The following SLC35A5 variants were observed in gnomAD, a reference collection of about 807,000 sequenced individuals.
SLC35A5 encodes solute carrier family 35 member A5.
In SLC35A5, 28 loss-of-function variants were observed where a neutral mutation model predicts 36.3. The observed-to-expected ratio is 0.77, with a 90% CI of 0.57 to 1.06. SLC35A5 has a LOEUF of 1.06. Ranked by LOEUF, SLC35A5 falls within the 50% of genes least tolerant of loss-of-function variation. The pLI is 0.00. For missense variants in SLC35A5, 521 were observed against 499.3 expected, an observed-to-expected ratio of 1.04 and a Z score of -0.41; for synonymous variants, 180 against 173.7, an observed-to-expected ratio of 1.04 and a Z score of -0.29.
intron 4 of SLC35A5, among the ~76,000 whole-genome samples, chr3:112,571,923 GTTTTTTTTTTTT>G (rs58561218): frequency 1.9e-4 from 10 of 53,854 alleles, no homozygotes; most frequent in South Asian, 1.1e-3. Flanking sequence ...ACTTTCCACA[GTTTTTTTTTTTT>G]TTTTTTTTTT....
intron 5 of SLC35A5, among the ~76,000 whole-genome samples, chr3:112,576,564 C>T (rs1282242043): frequency 6.6e-6 from 1 of 152,204 alleles, no homozygotes; most frequent in African/African-American, 2.4e-5. Flanking sequence ...TCACCCTAAC[C>T]CCTGATAACT....
chr3:112,580,500 A>G (rs749956139), intron 5 of SLC35A5, 46 bp from the exon 6 acceptor site: 1 of 1,527,756 alleles, frequency 6.5e-7, no homozygotes, highest in Non-Finnish European at 8.8e-7. Flanking sequence ...AACTATTGAT[A>G]TGGGGGGAAA....
chr3:112,582,675 G>C lies in SLC35A5; in HGVS notation c.1214G>C (p.Gly405Ala), dbSNP rs1934983443. 1.2e-6 allele frequency: 2 copies of C among 1,611,332 alleles called. No homozygotes were observed. The highest frequency in any genetic ancestry group is 4.5e-5 in the East Asian group (2 of 44,774). Residue 405 changes from glycine to alanine, a missense_variant, in exon 7 of 7, where the codon GGA becomes GCA. Physicochemically the swap from Gly to Ala is moderately conservative, Grantham distance 60. Coordinates refer to ENST00000492406, the MANE Select transcript of SLC35A5 (RefSeq NM_017945.5). ...GNLWERSSGD[G>A]EELERLTKPK... Reference sequence around the variant, plus strand: ...TGCTTTCATGTTTCCTTTTAGGATGGAGAAGAACTAGAAAGACTTACCAAA... The same window carrying C: ...TGCTTTCATGTTTCCTTTTAGGATGCAGAAGAACTAGAAAGACTTACCAAA...
At chr3:112,574,026 C>G in intron 5 of SLC35A5, 70 bp downstream of exon 5, 1 of 1,323,838 alleles carries the variant, frequency 7.6e-7, no homozygotes, top group Non-Finnish European at 1.1e-6. Flanking sequence ...ATGATATACC[C>G]AGAACACTGA....
At chr3:112,570,865 A>G (rs1310258543) in intron 4 of SLC35A5, among the ~76,000 whole-genome samples, 195 bp downstream of exon 4, 1 of 152,142 alleles carries the variant, frequency 6.6e-6, no homozygotes, top group Non-Finnish European at 1.5e-5. Flanking sequence ...GGTCAAGATT[A>G]CTGTATTAAA....
At position 112,583,384 on chromosome 3, in the gene SLC35A5, C is replaced by T. The variant is rs1935018985; in HGVS notation, c.*648C>T. 1 of 356,252 alleles carries T rather than the reference C, an allele frequency of 2.8e-6. No homozygotes were observed. The highest frequency in any genetic ancestry group is 4.7e-5 in the Admixed American group (1 of 21,440). The allele number at this position is 356,252 out of a possible 1,614,324, so 22.1% of individuals were successfully genotyped here. ...TGGGAAATTGGATTTTTGTAATAAT[C>T]TTTTGATGTTTTAAACATTGGTTCC... On this transcript the variant is annotated 3_prime_UTR_variant, in exon 7 of 7. Transcript: ENST00000492406.
At chr3:112,578,136 T>G (rs73855822) in intron 5 of SLC35A5, among the ~76,000 whole-genome samples, 2,446 of 152,344 alleles carry the variant, frequency 0.016, 54 homozygotes, top group African/African-American at 0.052. Flanking sequence ...ATTCTTCTAA[T>G]GTTGAACTAA....
intron 2 of SLC35A5, among the ~76,000 whole-genome samples, chr3:112,566,482 A>G (rs755480619): frequency 6.6e-6 from 1 of 152,268 alleles, no homozygotes; most frequent in African/African-American, 2.4e-5. Flanking sequence ...GAGAGGACTC[A>G]TGCAGAATGA....
chr3:112,576,251 C>T (rs1284409946), intron 5 of SLC35A5, among the ~76,000 whole-genome samples: 2 of 152,044 alleles, frequency 1.3e-5, no homozygotes, highest in Admixed American at 6.6e-5. Flanking sequence ...CCTCAGCCTC[C>T]CCAGTAGCTG....
intron 4 of SLC35A5, among the ~76,000 whole-genome samples, chr3:112,573,567 C>A (rs968330773): frequency 6.6e-6 from 1 of 152,210 alleles, no homozygotes; most frequent in Non-Finnish European, 1.5e-5. Context: ...ATCCATAAGG[C>A]GCTTTGAGAA....
At position 112,580,695 on chromosome 3, in the gene SLC35A5, T is replaced by G; in HGVS notation, c.578T>G (p.Leu193Arg). The change falls in exon 6 of 7, where the codon CTT becomes CGT. Residue 193 changes from leucine to arginine, a missense_variant. Physicochemically the swap from Leu to Arg is moderately radical, Grantham distance 102. Coordinates refer to ENST00000492406, the MANE Select transcript of SLC35A5 (RefSeq NM_017945.5). ...DAFFSPSNSC[L>R]LFRSECPRKD... ...TTTTTCAGCCCTTCCAATTCCTGCC[T>G]TCTTTTCAGAAGTGAGTGTCCCAGA... is the stretch of plus-strand genomic sequence containing the variant. The G allele has an allele frequency of 6.2e-7, 1 of 1,614,146 alleles. No homozygotes were observed.
intron 5 of SLC35A5, among the ~76,000 whole-genome samples, chr3:112,579,707 A>G (rs1484797540): frequency 2.0e-5 from 3 of 152,132 alleles, no homozygotes; most frequent in East Asian, 3.9e-4. Context: ...CACTTGTCCC[A>G]TTAATCACTT....
At chr3:112,563,318 C>A (rs1015633769) in intron 1 of SLC35A5, 67 bp from the exon 2 acceptor site, 1 of 1,341,354 alleles carries the variant, frequency 7.5e-7, no homozygotes, top group Admixed American at 2.8e-5. Context: ...TTTGTCCTCA[C>A]GATCAATGGT....
chr3:112,565,581 C>T (rs1934158943), intron 2 of SLC35A5, among the ~76,000 whole-genome samples: 3 of 152,238 alleles, frequency 2.0e-5, no homozygotes, highest in Middle Eastern at 6.8e-3. Flanking sequence ...AATTTGAGAC[C>T]AGGCTGGCCA....
chr3:112,564,081 G>GA (rs1299680929), intron 2 of SLC35A5: 1 of 152,164 alleles, frequency 6.6e-6, no homozygotes, highest in Non-Finnish European at 1.5e-5. Flanking sequence ...GTTATTGAGT[G>GA]AAGGGGTGGG....
At chr3:112,565,241 G>C (rs1934143005) in intron 2 of SLC35A5, among the ~76,000 whole-genome samples, 1 of 152,168 alleles carries the variant, frequency 6.6e-6, no homozygotes, top group Non-Finnish European at 1.5e-5. Context: ...TGCAATAATT[G>C]ATATATCCTG....
rs1935024559 is a variant in SLC35A5, at chr3:112,583,470, T to G, written c.*734T>G. The G allele has an allele frequency of 4.6e-6, 1 of 218,050 alleles. No homozygotes were observed. The highest frequency in any genetic ancestry group is 1.8e-4 in the South Asian group (1 of 5,456). The allele number at this position is 218,050 out of a possible 1,614,324, so 13.5% of individuals were successfully genotyped here. A position where few individuals can be genotyped will look rare whatever the true frequency, so the allele number is the denominator to read the frequency against. Reference sequence around the variant, plus strand: ...TTTAAACAAGCCACGGTGGGGCTTTTTTCTCCTCAGTTTGAGGAGAAAAAT... The same window carrying G: ...TTTAAACAAGCCACGGTGGGGCTTTGTTCTCCTCAGTTTGAGGAGAAAAAT... On this transcript the variant is annotated 3_prime_UTR_variant, in exon 7 of 7. Coordinates refer to ENST00000492406, the MANE Select transcript of SLC35A5 (RefSeq NM_017945.5).
At chr3:112,561,441 C>T, upstream of SLC35A5, 1 of 1,613,146 alleles carries the variant, frequency 6.2e-7, no homozygotes, top group Non-Finnish European at 8.5e-7. Context: ...CTCCCGGCAA[C>T]CCTGGCCTGG....
intron 5 of SLC35A5, among the ~76,000 whole-genome samples, chr3:112,575,979 C>G (rs1934652488): frequency 6.6e-6 from 1 of 151,960 alleles, no homozygotes; most frequent in Non-Finnish European, 1.5e-5. Context: ...AGGCTGGCCT[C>G]AAACTCCTGA....
Sources: allele counts gnomAD v4.1 joint callset (sites outside exome capture counted in the v4.1 genomes callset), GRCh38; gene constraint gnomAD v4.1.1; transcripts MANE v1.5; gene names NCBI Gene and HGNC (gene_info 2026-07-23, HGNC 2026-07-21).